The following MAP2K5 variants were observed in gnomAD, a reference collection of about 807,000 sequenced individuals.
The protein encoded by MAP2K5 is mitogen-activated protein kinase kinase 5, also known as dual specificity mitogen-activated protein kinase kinase 5.
Under a neutral mutation model 83.1 loss-of-function variants are expected in MAP2K5, and 49 were observed. That is an observed-to-expected ratio of 0.59 (90% CI 0.47 to 0.75). The LOEUF (loss-of-function observed/expected upper bound fraction) is 0.75, where lower values mean the gene tolerates loss of function less well. Among genes scored for constraint, MAP2K5 ranks in the 30% least tolerant of loss-of-function variants. MAP2K5 has a pLI of 0.00. For synonymous variants in MAP2K5, 202 were observed against 191.8 expected (o/e 1.05, Z -0.44); for missense variants, 457 against 557.5 (o/e 0.82, Z 1.82).
chr15:67,794,694 A>G lies in MAP2K5; in HGVS notation c.1243-11952A>G, dbSNP rs1453882806. 6.6e-6 allele frequency among the ~76,000 whole-genome samples: 1 copy of G among 151,344 alleles called. No homozygotes were observed. Among genetic ancestry groups the G allele is most frequent in the Non-Finnish European group, 1.5e-5 (1 of 67,904 alleles). On this transcript the variant is annotated intron_variant, in intron 21 of 21. Transcript: ENST00000178640. The surrounding 1 kb of genome is among the most constrained non-coding windows in gnomAD (Gnocchi z 4.6). Reference sequence around the variant, plus strand: ...ATTTAGCGTTATTTACATTTACCCAAAGTTTTGATGTTTTGATGTCCAGTG... The same window carrying G: ...ATTTAGCGTTATTTACATTTACCCAGAGTTTTGATGTTTTGATGTCCAGTG...
At position 67,561,012 on chromosome 15, in the gene MAP2K5, T is replaced by A. The variant is rs888050557; in HGVS notation, c.185-2271T>A. On this transcript the variant is annotated intron_variant, in intron 2 of 21. Transcript: ENST00000178640. The surrounding 1 kb of genome is among the most constrained non-coding windows in gnomAD (Gnocchi z 4.2). ...CAATACCTTATTCAGGTCTTGGGTA[T>A]ATTGAAATTCAAATATAAGCAGTCT... is the stretch of plus-strand genomic sequence containing the variant. 8.5e-5 allele frequency among the ~76,000 whole-genome samples: 13 copies of A among 152,218 alleles called. No individual in the cohort carries two copies. Among genetic ancestry groups the A allele is most frequent in the Non-Finnish European group, 1.3e-4 (9 of 68,040 alleles).
chr15:67,751,775 G>T (rs1373756639), intron 19 of MAP2K5, among the ~76,000 whole-genome samples: 1 of 152,100 alleles, frequency 6.6e-6, no homozygotes, highest in Admixed American at 6.5e-5. Flanking sequence ...TGCCCTCCAG[G>T]GCTGTAAAAT....
At position 67,652,362 on chromosome 15, in the gene MAP2K5, T is replaced by G. The variant is rs2086972991; in HGVS notation, c.736+5893T>G. Among the ~76,000 whole-genome samples the G allele has an allele frequency of 6.6e-6, 1 of 152,204 alleles. No individual in the cohort carries two copies. Among genetic ancestry groups the G allele is most frequent in the Admixed American group, 6.5e-5 (1 of 15,280 alleles). ...TATAAAGAAAAGTGGTTTATTTGGCTTATTATTTTGCAGGCTGTATAAGAA... is the reference window on the plus strand; with the variant it reads ...TATAAAGAAAAGTGGTTTATTTGGCGTATTATTTTGCAGGCTGTATAAGAA... On this transcript the variant is annotated intron_variant, in intron 11 of 21. Transcript: ENST00000178640. The surrounding 1 kb of genome is among the most constrained non-coding windows in gnomAD (Gnocchi z 4.2).
intron 1 of MAP2K5, chr15:67,546,241 T>G (rs576271556): frequency 6.6e-6 from 1 of 152,400 alleles, no homozygotes; most frequent in South Asian, 2.1e-4. Flanking sequence ...ATCTCTGGCT[T>G]GGAACCTTAA....
rs2086611630 is a variant in MAP2K5 at position 67,636,760 on chromosome 15, G to A, written c.585+5833G>A. Among the ~76,000 whole-genome samples the A allele has an allele frequency of 1.3e-5, 2 of 152,144 alleles. No homozygotes were observed. The highest frequency in any genetic ancestry group is 4.8e-5 in the African/African-American group (2 of 41,430). On this transcript the variant is annotated intron_variant, in intron 9 of 21. Transcript: ENST00000178640. The surrounding 1 kb of genome is among the most constrained non-coding windows in gnomAD (Gnocchi z 4.7). ...GGTGGGTAATATTGAGTGTTAACTC[G>A]ATTGGGTTGAAGGATGCAAAGTATT... is the stretch of plus-strand genomic sequence containing the variant.
intron 16 of MAP2K5, among the ~76,000 whole-genome samples, chr15:67,727,471 A>G (rs2089122497): frequency 6.6e-6 from 1 of 152,224 alleles, no homozygotes; most frequent in Non-Finnish European, 1.5e-5. Context: ...TCAATTTCAT[A>G]ATAATGTCCA....
At chr15:67,776,055 C>G (rs1379482577) in intron 21 of MAP2K5, among the ~76,000 whole-genome samples, 1 of 152,146 alleles carries the variant, frequency 6.6e-6, no homozygotes, top group Non-Finnish European at 1.5e-5. Flanking sequence ...AGGGAGGTCC[C>G]TCATCCTTGG....
rs2089600403 is a variant in MAP2K5, at chr15:67,746,113, G to A, written c.1075-2118G>A. Reference sequence around the variant, plus strand: ...ACAGTTTTAAGTTGACTTAGACTAAGCTTTTAACCTGCAAAATAGGGCAAA... The same window carrying A: ...ACAGTTTTAAGTTGACTTAGACTAAACTTTTAACCTGCAAAATAGGGCAAA... On this transcript the variant is annotated intron_variant, in intron 17 of 21. Transcript: ENST00000178640. This position sits in a 1 kb window ranked among gnomAD's most constrained non-coding sequence, Gnocchi z 4.1. 6.6e-6 allele frequency among the ~76,000 whole-genome samples: 1 copy of A among 152,180 alleles called. No homozygotes were observed.
Position 67,544,798 on chromosome 15 carries a change from A to G in MAP2K5, c.135+1328A>G, listed in dbSNP as rs2583588. 7.6e-3 allele frequency among the ~76,000 whole-genome samples: 1,156 copies of G among 152,338 alleles called. 12 individuals carry two copies. The highest frequency in any genetic ancestry group is 0.025 in the African/African-American group (1,021 of 41,586). ...GTAACTTAATCAAAATTTGATTTCT[A>G]TAACTTCATTTTGAGTTCTAGATGT... is the stretch of plus-strand genomic sequence containing the variant. On this transcript the variant is annotated intron_variant, in intron 1 of 21. Transcript: ENST00000178640.
intron 12 of MAP2K5, among the ~76,000 whole-genome samples, chr15:67,660,669 A>T (rs746931115): frequency 6.6e-6 from 1 of 152,114 alleles, no homozygotes; most frequent in African/African-American, 2.4e-5. Context: ...TGCTTTCTAT[A>T]CAAATATTAT....
Position 67,543,698 on chromosome 15 carries a change from A to C in MAP2K5, c.135+228A>C, listed in dbSNP as rs2084340288. On this transcript the variant is annotated intron_variant, in intron 1 of 21. Coordinates refer to ENST00000178640, the MANE Select transcript of MAP2K5 (RefSeq NM_145160.3). The surrounding 1 kb of genome is among the most constrained non-coding windows in gnomAD (Gnocchi z 4.3). ...TCAATCTGACTGAACCCCTGCCCTC[A>C]GAGAGCTCATGGCCCGGGCTGGGAC... 6.6e-6 allele frequency among the ~76,000 whole-genome samples: 1 copy of C among 152,206 alleles called. No individual in the cohort carries two copies. The highest frequency in any genetic ancestry group is 1.5e-5 in the Non-Finnish European group (1 of 68,030).
Position 67,778,229 on chromosome 15 carries a change from C to G in MAP2K5, c.1242+5477C>G, listed in dbSNP as rs2090271716. ...TGTCACTGGTAGCTTTTCTGCTTTT[C>G]CAAACCTGATTGTAATTACATTTTC... On this transcript the variant is annotated intron_variant, in intron 21 of 21. Coordinates refer to ENST00000178640, the MANE Select transcript of MAP2K5 (RefSeq NM_145160.3). The surrounding 1 kb of genome is among the most constrained non-coding windows in gnomAD (Gnocchi z 5.0). Among the ~76,000 whole-genome samples, 1 of 152,178 alleles carries G rather than the reference C, an allele frequency of 6.6e-6. No homozygotes were observed. Among genetic ancestry groups the G allele is most frequent in the African/African-American group, 2.4e-5 (1 of 41,444 alleles).
chr15:67,759,270 G>A (rs73427960), intron 19 of MAP2K5, among the ~76,000 whole-genome samples: 20,997 of 151,994 alleles, frequency 0.14, 1,525 homozygotes, highest in East Asian at 0.23. Context: ...ATTCAAAAGC[G>A]GGGTTAGGCC....
rs140062248 is a variant in MAP2K5 at position 67,563,920 on chromosome 15, G to C, written c.252+570G>C. 6.6e-6 allele frequency among the ~76,000 whole-genome samples: 1 copy of C among 152,156 alleles called. No homozygotes were observed. Among genetic ancestry groups the C allele is most frequent in the East Asian group, 1.9e-4 (1 of 5,190 alleles). On this transcript the variant is annotated intron_variant, in intron 3 of 21. Coordinates refer to ENST00000178640, the MANE Select transcript of MAP2K5 (RefSeq NM_145160.3). The surrounding 1 kb of genome is among the most constrained non-coding windows in gnomAD (Gnocchi z 4.5). Reference sequence around the variant, plus strand: ...GTTTAAAATTTTACTGAAAATCTGCGTTAACAGTTATCTGATACTGAAGTA... The same window carrying C: ...GTTTAAAATTTTACTGAAAATCTGCCTTAACAGTTATCTGATACTGAAGTA...
rs913535915 is a variant in MAP2K5, at chr15:67,719,639, G to A, written c.1045-8277G>A. Among the ~76,000 whole-genome samples, 2 of 152,112 alleles carry A rather than the reference G, an allele frequency of 1.3e-5. No homozygotes were observed. Among genetic ancestry groups the A allele is most frequent in the East Asian group, 3.8e-4 (2 of 5,200 alleles). On this transcript the variant is annotated intron_variant, in intron 16 of 21. Transcript: ENST00000178640. The surrounding 1 kb of genome is among the most constrained non-coding windows in gnomAD (Gnocchi z 4.6). Reference sequence around the variant, plus strand: ...ACAAAATTGTGGGTAGAGTCTTCTAGGATTAACTCCTGACAGAAGAGGAGA... The same window carrying A: ...ACAAAATTGTGGGTAGAGTCTTCTAAGATTAACTCCTGACAGAAGAGGAGA...
At chr15:67,798,294 T>C (rs1182846120) in intron 21 of MAP2K5, among the ~76,000 whole-genome samples, 2 of 152,216 alleles carry the variant, frequency 1.3e-5, no homozygotes, top group African/African-American at 4.8e-5. Context: ...TATCCCCCAC[T>C]GTACAGCCTG....
Position 67,780,478 on chromosome 15 carries a change from C to T in MAP2K5, c.1242+7726C>T, listed in dbSNP as rs567386410. Reference sequence around the variant, plus strand: ...CACATGCTATTCTCTCTAATCCAATCCAGTAAAACACTGTGCAGATAAAGT... The same window carrying T: ...CACATGCTATTCTCTCTAATCCAATTCAGTAAAACACTGTGCAGATAAAGT... On this transcript the variant is annotated intron_variant, in intron 21 of 21. Transcript: ENST00000178640. This position sits in a 1 kb window ranked among gnomAD's most constrained non-coding sequence, Gnocchi z 5.0. Among the ~76,000 whole-genome samples, 1 of 152,238 alleles carries T rather than the reference C, an allele frequency of 6.6e-6. No homozygotes were observed. The highest frequency in any genetic ancestry group is 1.9e-4 in the East Asian group (1 of 5,180).
chr15:67,723,815 A>G (rs1863332683), intron 16 of MAP2K5, among the ~76,000 whole-genome samples: 1 of 151,708 alleles, frequency 6.6e-6, no homozygotes, highest in Non-Finnish European at 1.5e-5. Flanking sequence ...GATGATAAAG[A>G]GAGCAAAGAT....
rs1181656637 is a variant in MAP2K5, at chr15:67,552,966, C to A, written c.184+2884C>A. On this transcript the variant is annotated intron_variant, in intron 2 of 21. Transcript: ENST00000178640. This position sits in a 1 kb window ranked among gnomAD's most constrained non-coding sequence, Gnocchi z 4.2. ...ATGGTAAAAAGAAGTTTACTTTGTA[C>A]TTTTTACTTGCTTTTCGGATCCCCA... Among the ~76,000 whole-genome samples, 5 of 152,068 alleles carry A rather than the reference C, an allele frequency of 3.3e-5. No homozygotes were observed. The highest frequency in any genetic ancestry group is 7.4e-5 in the Non-Finnish European group (5 of 67,992).
Sources: gnomAD v4.1 joint callset for allele counts (sites outside exome capture counted in the v4.1 genomes callset) on GRCh38, gnomAD v4.1.1 for gene constraint, Gnocchi (gnomAD v3.1) non-coding constraint, MANE v1.5 for transcripts, NCBI Gene and HGNC (gene_info 2026-07-23, HGNC 2026-07-21) for gene names.